The following OR1J2 variants were observed in gnomAD, a reference collection of about 807,000 sequenced individuals.
OR1J2 encodes olfactory receptor 1J2.
For missense variants in OR1J2, 304 were observed against 246.1 expected (o/e 1.24, Z -1.57); for synonymous variants, 142 against 99.7 (o/e 1.42, Z -2.52).
upstream of OR1J2, among the ~76,000 whole-genome samples, chr9:122,507,854 A>G (rs1200427951): frequency 6.6e-6 from 1 of 152,124 alleles, no homozygotes; most frequent in Admixed American, 6.5e-5. Flanking sequence ...GCTGAGCACT[A>G]TGCAAGCAAA....
the OR1J2 span, chr9:122,477,567 A>T: frequency 6.2e-7 from 1 of 1,614,218 alleles, no homozygotes. Context: ...CATACCTGTC[A>T]TATGCCATTG....
the OR1J2 span, chr9:122,567,613 T>A: frequency 6.2e-7 from 1 of 1,613,252 alleles, no homozygotes; most frequent in Non-Finnish European, 8.5e-7. Context: ...AGGCTGTAGA[T>A]AAAAGGATTG....
At chr9:122,526,582 T>C in the OR1J2 span, 3 of 1,613,618 alleles carry the variant, frequency 1.9e-6, no homozygotes, top group South Asian at 3.3e-5. Context: ...GAACTGCAGG[T>C]GGAAAAGGCC....
chr9:122,578,541 GA>G, the OR1J2 span: 1 of 151,750 alleles, frequency 6.6e-6, no homozygotes, highest in Non-Finnish European at 1.5e-5. Context: ...CAAAAATATG[GA>G]ACCAGCCCAA....
the OR1J2 span, among the ~76,000 whole-genome samples, chr9:122,450,323 AG>A: frequency 4.2e-3 from 645 of 152,202 alleles, 3 homozygotes; most frequent in African/African-American, 0.013. Context: ...CCCAGCTACT[AG>A]GGCGGCTGAG....
At chr9:122,548,252 T>C in the OR1J2 span, among the ~76,000 whole-genome samples, 7 of 151,928 alleles carry the variant, frequency 4.6e-5, no homozygotes. Flanking sequence ...GGCAAAGGGG[T>C]TTGGGCTGGG....
chr9:122,458,627 T>C, the OR1J2 span, among the ~76,000 whole-genome samples: 1 of 152,132 alleles, frequency 6.6e-6, no homozygotes, highest in Non-Finnish European at 1.5e-5. Flanking sequence ...ACTTATTCAC[T>C]ATCACGAGAA....
downstream of OR1J2, among the ~76,000 whole-genome samples, chr9:122,515,930 A>G (rs912244058): frequency 6.6e-6 from 1 of 152,182 alleles, no homozygotes; most frequent in South Asian, 2.1e-4. Flanking sequence ...TGCACTGAAT[A>G]TAAGACACTG....
chr9:122,573,616 A>G, the OR1J2 span, among the ~76,000 whole-genome samples: 1 of 152,152 alleles, frequency 6.6e-6, no homozygotes, highest in Non-Finnish European at 1.5e-5. Context: ...TTGAGTTTTA[A>G]GAGTTATTTG....
chr9:122,522,040 G>A, the OR1J2 span, among the ~76,000 whole-genome samples: 8 of 152,318 alleles, frequency 5.3e-5, no homozygotes, highest in South Asian at 2.1e-4. Context: ...GGGGTGCACC[G>A]TATTGATTTG....
chr9:122,466,922 G>A, the OR1J2 span, among the ~76,000 whole-genome samples: 23 of 152,190 alleles, frequency 1.5e-4, no homozygotes, highest in East Asian at 1.9e-4. Context: ...GGGTTCAAGC[G>A]ATTCTCCTGG....
the OR1J2 span, among the ~76,000 whole-genome samples, chr9:122,455,181 T>C: frequency 6.6e-6 from 1 of 152,248 alleles, no homozygotes; most frequent in Non-Finnish European, 1.5e-5. Flanking sequence ...GTACGAACAT[T>C]TGGATGCAAG....
the OR1J2 span, among the ~76,000 whole-genome samples, chr9:122,502,122 A>G: frequency 1.3e-5 from 2 of 152,144 alleles, no homozygotes; most frequent in Non-Finnish European, 2.9e-5. Context: ...GCCAGAGAAA[A>G]CCCTTAAGAA....
At chr9:122,494,474 T>G in the OR1J2 span, among the ~76,000 whole-genome samples, 3 of 152,220 alleles carry the variant, frequency 2.0e-5, no homozygotes, top group African/African-American at 7.2e-5. Context: ...TCTTTAAAGT[T>G]TGTTTTTTCT....
the OR1J2 span, among the ~76,000 whole-genome samples, chr9:122,535,735 GGC>G: frequency 6.6e-6 from 1 of 152,144 alleles, no homozygotes; most frequent in Non-Finnish European, 1.5e-5. Flanking sequence ...TCCGAGTCAT[GGC>G]ACCAAATTTC....
At chr9:122,464,429 TC>T in the OR1J2 span, among the ~76,000 whole-genome samples, 2 of 152,214 alleles carry the variant, frequency 1.3e-5, no homozygotes, top group Non-Finnish European at 2.9e-5. Context: ...TCCTCAGTTG[TC>T]CCACAGAGCC....
At chr9:122,567,500 G>A in the OR1J2 span, 21 of 1,371,150 alleles carry the variant, frequency 1.5e-5, no homozygotes, top group Admixed American at 4.4e-5. Flanking sequence ...TAGAAAACAC[G>A]TCCAAGTTGA....
At chr9:122,486,459 A>G in the OR1J2 span, among the ~76,000 whole-genome samples, 27 of 152,340 alleles carry the variant, frequency 1.8e-4, no homozygotes, top group African/African-American at 6.5e-4. Context: ...TTGCTGCCTG[A>G]GAGCACTCAA....
At chr9:122,551,856 T>C in the OR1J2 span, among the ~76,000 whole-genome samples, 1 of 152,090 alleles carries the variant, frequency 6.6e-6, no homozygotes, top group Non-Finnish European at 1.5e-5. Context: ...AGCCATACAC[T>C]TCAGGTATTT....
Sources: gnomAD v4.1 joint callset for allele counts (sites outside exome capture counted in the v4.1 genomes callset) on GRCh38, gnomAD v4.1.1 for gene constraint, MANE v1.5 for transcripts, NCBI Gene and HGNC (gene_info 2026-07-23, HGNC 2026-07-21) for gene names.